Variants in NTM observed in about 807,000 individuals in gnomAD.
The protein encoded by NTM is neurotrimin.
Under a neutral mutation model 42.1 loss-of-function variants are expected in NTM, and 13 were observed. The ratio of observed to expected loss-of-function variants is 0.31; its 90% CI spans 0.20 to 0.49. The LOEUF (loss-of-function observed/expected upper bound fraction) is 0.49. Among genes scored for constraint, NTM ranks in the 20% least tolerant of loss-of-function variants. The pLI, the probability that NTM is intolerant of heterozygous loss-of-function variation, is 0.99. For synonymous variants in NTM, 187 were observed against 179.2 expected, an observed-to-expected ratio of 1.04 and a Z score of -0.35; for missense variants, 373 against 452.8, an observed-to-expected ratio of 0.82 and a Z score of 1.60.
intron 1 of NTM, among the ~76,000 whole-genome samples, chr11:131,580,792 T>G (rs2137175732): frequency 6.6e-6 from 1 of 152,266 alleles, no homozygotes; most frequent in African/African-American, 2.4e-5. Context: ...ATTCATAAGA[T>G]TGCTCTCCTT....
At chr11:132,189,256 G>A (rs2078921785) in intron 3 of NTM, among the ~76,000 whole-genome samples, 1 of 152,296 alleles carries the variant, frequency 6.6e-6, no homozygotes, top group South Asian at 2.1e-4. Flanking sequence ...AGCCAGCTGG[G>A]AAAGAAATAG....
intron 1 of NTM, among the ~76,000 whole-genome samples, chr11:131,717,522 C>T (rs977238375): frequency 4.6e-5 from 7 of 152,240 alleles, no homozygotes; most frequent in East Asian, 1.9e-4. Flanking sequence ...TTCAATTTCA[C>T]GTTGCTCATT....
chr11:131,442,817 GTA>G lies in NTM; in HGVS notation c.82+71942_82+71943del, dbSNP rs530534055. Among the ~76,000 whole-genome samples the G allele has an allele frequency of 1.1e-3, 169 of 149,824 alleles. 1 individual carries two copies. Among genetic ancestry groups the G allele is most frequent in the African/African-American group, 3.3e-3 (136 of 40,916 alleles). ...GTGTATATATTATATATATGTGTGT[GTA>G]TATATATATATACACACACAGACAC... On this transcript the variant is annotated intron_variant, in intron 1 of 8. Coordinates refer to ENST00000683400, the MANE Select transcript of NTM (RefSeq NM_001352005.2).
intron 7 of NTM, among the ~76,000 whole-genome samples, chr11:132,316,677 C>A (rs924265826): frequency 3.3e-5 from 5 of 152,126 alleles, no homozygotes; most frequent in African/African-American, 1.2e-4. Context: ...GTTGAGAGAT[C>A]ATTCCTGAGG....
chr11:131,474,389 T>C (rs76560777), intron 1 of NTM, among the ~76,000 whole-genome samples: 161 of 152,160 alleles, frequency 1.1e-3, no homozygotes, highest in African/African-American at 3.8e-3. Context: ...CCTTGGCAAT[T>C]TCATTTACAC....
At chr11:131,522,352 A>G (rs2049863309) in intron 1 of NTM, among the ~76,000 whole-genome samples, 1 of 34,182 alleles carries the variant, frequency 2.9e-5, no homozygotes, top group Non-Finnish European at 7.0e-5. Context: ...TTGCAGAACA[A>G]CAAGAAAAAA....
At chr11:131,920,553 C>T (rs1205990310) in intron 2 of NTM, among the ~76,000 whole-genome samples, 4 of 152,102 alleles carry the variant, frequency 2.6e-5, no homozygotes, top group Non-Finnish European at 4.4e-5. Context: ...TATGAATAGC[C>T]GTCTTGATCT....
chr11:132,138,615 T>TATCTATCTATCTATCTATC (rs1555280056), intron 2 of NTM, among the ~76,000 whole-genome samples: 18,889 of 109,392 alleles, frequency 0.17, 1,391 homozygotes, highest in Admixed American at 0.22. Flanking sequence ...TCTATCTATC[T>TATCTATCTATCTATCTATC]ATCTATTCTA....
chr11:132,159,012 G>A (rs1300533999), intron 3 of NTM, among the ~76,000 whole-genome samples: 1 of 152,188 alleles, frequency 6.6e-6, no homozygotes, highest in African/African-American at 2.4e-5. Context: ...GGAGGGGATG[G>A]GGAATTATAG....
intron 1 of NTM, among the ~76,000 whole-genome samples, chr11:131,626,131 CTT>C (rs1318587023): frequency 2.0e-5 from 3 of 151,890 alleles, no homozygotes; most frequent in Non-Finnish European, 4.4e-5. Flanking sequence ...ATCCAAGTAA[CTT>C]TATAGATGTT....
intron 7 of NTM, among the ~76,000 whole-genome samples, chr11:132,325,241 A>G (rs1354478631): frequency 3.3e-5 from 5 of 150,592 alleles, no homozygotes; most frequent in African/African-American, 4.8e-5. Flanking sequence ...GCAACCTACA[A>G]AATGGGAGAA....
chr11:132,320,055 C>A (rs1182629854), intron 7 of NTM, among the ~76,000 whole-genome samples: 1 of 152,192 alleles, frequency 6.6e-6, no homozygotes, highest in Non-Finnish European at 1.5e-5. Flanking sequence ...AGATGAGGGT[C>A]CTGTCTGTTA....
chr11:131,391,381 T>A (rs982860866), intron 1 of NTM, among the ~76,000 whole-genome samples: 5 of 152,068 alleles, frequency 3.3e-5, no homozygotes, highest in Non-Finnish European at 7.4e-5. Context: ...CCCGCCCCAC[T>A]CCTTGCCTCA....
chr11:132,149,749 G>C (rs2071433918), intron 3 of NTM, among the ~76,000 whole-genome samples: 1 of 152,186 alleles, frequency 6.6e-6, no homozygotes, highest in Non-Finnish European at 1.5e-5. Flanking sequence ...CATCCTGGGG[G>C]AGGAGGGTGA....
At chr11:132,096,193 T>C (rs1214761769) in intron 2 of NTM, among the ~76,000 whole-genome samples, 1 of 152,226 alleles carries the variant, frequency 6.6e-6, no homozygotes, top group Non-Finnish European at 1.5e-5. Context: ...ATTTTCTTCT[T>C]TATCTTTCTG....
At chr11:131,573,184 A>T (rs1188092091) in intron 1 of NTM, among the ~76,000 whole-genome samples, 1 of 152,184 alleles carries the variant, frequency 6.6e-6, no homozygotes, top group Admixed American at 6.5e-5. Context: ...CCCGGAGCCC[A>T]TGTCATCTTC....
At chr11:131,733,789 C>T (rs533010104) in intron 1 of NTM, among the ~76,000 whole-genome samples, 25 of 152,206 alleles carry the variant, frequency 1.6e-4, no homozygotes, top group South Asian at 6.2e-4. Flanking sequence ...CCACCTGCCT[C>T]GGCCTTCCAA....
chr11:132,162,493 G>A (rs2074507502), intron 3 of NTM, among the ~76,000 whole-genome samples: 1 of 145,186 alleles, frequency 6.9e-6, no homozygotes, highest in Non-Finnish European at 1.5e-5. Flanking sequence ...TGGATGGGGG[G>A]AGTGTGGATG....
chr11:131,794,184 T>C (rs1040470717), intron 1 of NTM, among the ~76,000 whole-genome samples: 1 of 152,162 alleles, frequency 6.6e-6, no homozygotes, highest in Non-Finnish European at 1.5e-5. Flanking sequence ...ACACCACCTC[T>C]GTGTGCAGGG....
Sources: gnomAD v4.1 joint callset for allele counts (sites outside exome capture counted in the v4.1 genomes callset) on GRCh38, gnomAD v4.1.1 for gene constraint, MANE v1.5 for transcripts, NCBI Gene and HGNC (gene_info 2026-07-23, HGNC 2026-07-21) for gene names.